The following SEM1 variants were observed in gnomAD, a reference collection of about 807,000 sequenced individuals.
SEM1 encodes the protein 26S proteasome complex subunit SEM1.
SEM1 carries 3 observed loss-of-function variants against 12.7 expected under a neutral mutation model. The ratio of observed to expected loss-of-function variants is 0.24; its 90% CI spans 0.11 to 0.61. The LOEUF (loss-of-function observed/expected upper bound fraction) is 0.61, where lower values mean the gene tolerates loss of function less well. Among genes scored for constraint, SEM1 ranks in the 20% least tolerant of loss-of-function variants. The pLI is 0.88. For synonymous variants in SEM1, 30 were observed against 27.8 expected, an observed-to-expected ratio of 1.08 and a Z score of -0.25; for missense variants, 59 against 81.3, an observed-to-expected ratio of 0.73 and a Z score of 1.06.
chr7:96,682,609 A>G (rs1201395492), intron 2 of SEM1, among the ~76,000 whole-genome samples: 1 of 152,104 alleles, frequency 6.6e-6, no homozygotes, highest in Non-Finnish European at 1.5e-5. Context: ...GGACACAGGC[A>G]TGAACAAAGG....
downstream of SEM1, chr7:96,673,138 CAG>C (rs1224896627): frequency 1.3e-5 from 2 of 151,930 alleles, no homozygotes; most frequent in Admixed American, 6.6e-5. Flanking sequence ...CTTTTTGAGA[CAG>C]AGTCTTGCTC....
chr7:96,690,471 C>A (rs894970350), intron 2 of SEM1, among the ~76,000 whole-genome samples: 2 of 151,928 alleles, frequency 1.3e-5, no homozygotes, highest in African/African-American at 2.4e-5. Flanking sequence ...ATTTAAAAAA[C>A]CAAAAGAAAA....
chr7:96,563,874 T>A (rs2115929962), intron 2 of SEM1, among the ~76,000 whole-genome samples: 1 of 95,516 alleles, frequency 1.0e-5, no homozygotes, highest in Non-Finnish European at 2.9e-5. Flanking sequence ...CAGTAAAAAA[T>A]TCACATTTTT....
At chr7:96,698,031 A>G (rs1790152747) in intron 1 of SEM1, among the ~76,000 whole-genome samples, 1 of 152,176 alleles carries the variant, frequency 6.6e-6, no homozygotes, top group South Asian at 2.1e-4. Flanking sequence ...GAGAACTTCA[A>G]ACAAAAAGCA....
At chr7:96,559,835 G>C (rs1194502995) in intron 2 of SEM1, among the ~76,000 whole-genome samples, 1 of 152,182 alleles carries the variant, frequency 6.6e-6, no homozygotes, top group African/African-American at 2.4e-5. Flanking sequence ...AGTGGAGGCA[G>C]TGACAAGCAT....
At chr7:96,707,564 A>T (rs955802113) in intron 1 of SEM1, among the ~76,000 whole-genome samples, 1 of 152,260 alleles carries the variant, frequency 6.6e-6, no homozygotes, top group South Asian at 2.1e-4. Context: ...GAGACCCATA[A>T]ATGGTCAATT....
chr7:96,521,294 T>C (rs1804261263), intron 2 of SEM1, among the ~76,000 whole-genome samples: 1 of 152,092 alleles, frequency 6.6e-6, no homozygotes, highest in African/African-American at 2.4e-5. Flanking sequence ...TCAGTGCCTC[T>C]GGCATATCGT....
At chr7:96,709,147 TCA>T (rs1430329447) in intron 1 of SEM1, among the ~76,000 whole-genome samples, 1 of 151,924 alleles carries the variant, frequency 6.6e-6, no homozygotes, top group Non-Finnish European at 1.5e-5. Flanking sequence ...TTAAGTTAGG[TCA>T]CAGTTAAGTG....
Position 96,707,491 on chromosome 7 carries a change from GAA to G in SEM1, c.76+2195_76+2196del, listed in dbSNP as rs1288733882. On this transcript the variant is annotated intron_variant, in intron 1 of 2. Transcript: ENST00000248566. ...TAAAAATGTTTCTCACTCTAAAATG[GAA>G]AGTTTCCTGAATGAATTAATTCTAC... Among the ~76,000 whole-genome samples the G allele has an allele frequency of 6.6e-5, 10 of 152,150 alleles. 1 individual carries two copies. The highest frequency in any genetic ancestry group is 1.4e-4 in the African/African-American group (6 of 41,420).
At chr7:96,649,610 G>A (rs1306026360) in intron 2 of SEM1, 1 of 152,158 alleles carries the variant, frequency 6.6e-6, no homozygotes, top group African/African-American at 2.4e-5. Context: ...AACAATATAT[G>A]AAGTCATGGA....
At position 96,512,931 on chromosome 7, in the gene SEM1, T is replaced by C. The variant is rs116647480; in HGVS notation, c.171-6233A>G. 9.5e-3 allele frequency among the ~76,000 whole-genome samples: 1,446 copies of C among 152,250 alleles called. 25 individuals carry two copies. Among genetic ancestry groups the C allele is most frequent in the African/African-American group, 0.033 (1,385 of 41,544 alleles). On this transcript the variant is annotated intron_variant and NMD_transcript_variant, in intron 2 of 3. Transcript: ENST00000466986. ...GTGAAGAGCATAAACCACGTTTTCT[T>C]AATTGCTTTCATTACATAATTAACA...
chr7:96,575,181 A>T (rs2116012404), intron 2 of SEM1, among the ~76,000 whole-genome samples: 1 of 151,652 alleles, frequency 6.6e-6, no homozygotes. Context: ...TGTTGATGCT[A>T]TTGCTTTCTA....
chr7:96,587,552 G>C (rs1185406984), intron 2 of SEM1, among the ~76,000 whole-genome samples: 2 of 152,064 alleles, frequency 1.3e-5, no homozygotes, highest in African/African-American at 4.8e-5. Flanking sequence ...TGTGTGCCTT[G>C]CTTCCGGTTG....
chr7:96,510,619 G>A (rs6970192), intron 2 of SEM1, among the ~76,000 whole-genome samples: 18,758 of 152,100 alleles, frequency 0.12, 3,820 homozygotes, highest in African/African-American at 0.43. Flanking sequence ...TCTCAAAAGA[G>A]AAGCTGTATG....
At chr7:96,689,710 T>C (rs578105666) in intron 2 of SEM1, among the ~76,000 whole-genome samples, 1 of 152,202 alleles carries the variant, frequency 6.6e-6, no homozygotes, top group Admixed American at 6.5e-5. Context: ...CTAAAATTTT[T>C]AGTTATTTAG....
At chr7:96,680,798 AC>A (rs1789588744) in intron 2 of SEM1, among the ~76,000 whole-genome samples, 1 of 152,048 alleles carries the variant, frequency 6.6e-6, no homozygotes, top group Non-Finnish European at 1.5e-5. Flanking sequence ...CAACCCATCA[AC>A]CCTCAAGGCA....
intron 2 of SEM1, among the ~76,000 whole-genome samples, chr7:96,567,682 A>T (rs1411344415): frequency 6.6e-6 from 1 of 151,594 alleles, no homozygotes; most frequent in Non-Finnish European, 1.5e-5. Flanking sequence ...TTTTTTTATC[A>T]AGAGTCTTTT....
At chr7:96,519,331 A>C (rs751507130) in intron 2 of SEM1, among the ~76,000 whole-genome samples, 1 of 152,160 alleles carries the variant, frequency 6.6e-6, no homozygotes, top group African/African-American at 2.4e-5. Flanking sequence ...TCAGTGAACA[A>C]TAAAAACCCA....
chr7:96,520,113 C>T (rs1276519746), intron 2 of SEM1, among the ~76,000 whole-genome samples: 1 of 152,034 alleles, frequency 6.6e-6, no homozygotes, highest in Non-Finnish European at 1.5e-5. Context: ...GCTGAGATGA[C>T]CAAAGCTGAA....
Sources: allele counts gnomAD v4.1 joint callset (sites outside exome capture counted in the v4.1 genomes callset), GRCh38; gene constraint gnomAD v4.1.1; transcripts MANE v1.5; gene names NCBI Gene and HGNC (gene_info 2026-07-23, HGNC 2026-07-21).